Variants in DPP6 observed in about 807,000 individuals in gnomAD.
DPP6 encodes A-type potassium channel modulatory protein DPP6.
A neutral mutation model predicts 122.6 loss-of-function variants in DPP6; 69 were observed. The observed-to-expected ratio is 0.56, with a 90% CI of 0.46 to 0.69. DPP6 has a LOEUF of 0.69. Among genes scored for constraint, DPP6 ranks in the 30% least tolerant of loss-of-function variants. The probability of loss-of-function intolerance (pLI) is 0.00; values close to 1 mark genes in which losing one functional copy is unlikely to be tolerated. For missense variants in DPP6, 928 were observed against 1,116.9 expected (o/e 0.83, Z 2.41); for synonymous variants, 418 against 433.1 (o/e 0.97, Z 0.43).
intron 1 of DPP6, among the ~76,000 whole-genome samples, chr7:154,359,834 T>G (rs1245669065): frequency 6.6e-6 from 1 of 152,190 alleles, no homozygotes; most frequent in Non-Finnish European, 1.5e-5. Context: ...GCACTTGAGT[T>G]AGAGAAACGT....
At chr7:154,085,118 G>GA (rs369868288) in intron 1 of DPP6, among the ~76,000 whole-genome samples, 10,722 of 147,858 alleles carry the variant, frequency 0.073, 477 homozygotes, top group Middle Eastern at 0.14. Context: ...AAAGAATAAA[G>GA]AAAAAAAAAG....
At chr7:153,894,172 G>A (rs1044810471) in intron 1 of DPP6, among the ~76,000 whole-genome samples, 2 of 152,158 alleles carry the variant, frequency 1.3e-5, no homozygotes, top group African/African-American at 4.8e-5. Context: ...AGGACCACAA[G>A]GATTTTATTG....
intron 1 of DPP6, among the ~76,000 whole-genome samples, chr7:154,077,965 G>A (rs62485621): frequency 0.17 from 26,068 of 151,934 alleles, 2,565 homozygotes; most frequent in East Asian, 0.36. Context: ...TACTGCTCCC[G>A]GCCAATAGAT....
chr7:154,436,863 T>C (rs796392118), intron 1 of DPP6, among the ~76,000 whole-genome samples: 13 of 152,334 alleles, frequency 8.5e-5, no homozygotes, highest in African/African-American at 2.9e-4. Context: ...ACCACTCACT[T>C]AGTGTAGTTT....
At chr7:153,912,532 T>C (rs1294424975) in intron 1 of DPP6, among the ~76,000 whole-genome samples, 3 of 152,152 alleles carry the variant, frequency 2.0e-5, no homozygotes, top group Non-Finnish European at 4.4e-5. Context: ...GATTTAGAGA[T>C]ACTAAAAATT....
chr7:154,060,060 TC>T (rs1406548634), intron 1 of DPP6, among the ~76,000 whole-genome samples: 16 of 146,280 alleles, frequency 1.1e-4, no homozygotes, highest in African/African-American at 3.1e-4. Flanking sequence ...CAACCCCTCT[TC>T]CCCCCCTGGC....
chr7:154,346,003 G>C (rs1293315041), intron 1 of DPP6, among the ~76,000 whole-genome samples: 3 of 152,156 alleles, frequency 2.0e-5, no homozygotes, highest in Non-Finnish European at 4.4e-5. Flanking sequence ...AAGGTGAGCC[G>C]ATTCTTTCTG....
chr7:154,270,137 T>G (rs1258352837), intron 1 of DPP6, among the ~76,000 whole-genome samples: 1 of 152,186 alleles, frequency 6.6e-6, no homozygotes, highest in African/African-American at 2.4e-5. Flanking sequence ...AAGAGTAAGA[T>G]GCCTTGGTTC....
At chr7:154,288,562 A>G (rs1218556688) in intron 1 of DPP6, among the ~76,000 whole-genome samples, 4 of 152,228 alleles carry the variant, frequency 2.6e-5, no homozygotes, top group African/African-American at 4.8e-5. Flanking sequence ...TTCTTAAGGC[A>G]GTGTTGAACA....
At chr7:154,401,410 G>A (rs1012008744) in intron 1 of DPP6, among the ~76,000 whole-genome samples, 1 of 149,950 alleles carries the variant, frequency 6.7e-6, no homozygotes, top group African/African-American at 2.5e-5. Flanking sequence ...CCAAATTATT[G>A]ATTTATGATT....
At chr7:154,691,819 A>G (rs78295984) in intron 7 of DPP6, among the ~76,000 whole-genome samples, 1 of 2,994 alleles carries the variant, frequency 3.3e-4, no homozygotes, top group Admixed American at 0.011. Context: ...ACTCTGTCTC[A>G]AAAAAACAAA....
chr7:154,443,764 C>T (rs1017959347), intron 1 of DPP6, among the ~76,000 whole-genome samples: 1 of 152,322 alleles, frequency 6.6e-6, no homozygotes, highest in Admixed American at 6.5e-5. Context: ...AAAACTTATT[C>T]TTCTTAGAGC....
chr7:154,823,699 T>C (rs1799949647), intron 16 of DPP6, among the ~76,000 whole-genome samples: 1 of 152,212 alleles, frequency 6.6e-6, no homozygotes, highest in Admixed American at 6.5e-5. Flanking sequence ...GGACCAGTGA[T>C]AGGCACATTT....
At position 154,883,997 on chromosome 7, in the gene DPP6, C is replaced by T. The variant is rs1051322709; in HGVS notation, c.2134-1636C>T. ...TTACATACACATGCTCACACATACA[C>T]ATGCTCACCCACACACACGCTCACA... On this transcript the variant is annotated intron_variant, in intron 21 of 25. Coordinates refer to ENST00000377770, the MANE Select transcript of DPP6 (RefSeq NM_130797.4). The T allele has an allele frequency of 3.6e-5, 5 of 140,266 alleles. 1 individual carries two copies. The highest frequency in any genetic ancestry group is 8.4e-5 in the African/African-American group (3 of 35,870). 8.7% of individuals were successfully genotyped at this position (140,266 alleles called of 1,614,324 possible).
the DPP6 span, among the ~76,000 whole-genome samples, chr7:153,844,071 T>C: frequency 2.0e-5 from 3 of 152,314 alleles, no homozygotes; most frequent in African/African-American, 7.2e-5. Flanking sequence ...ATAGGAATCT[T>C]GGTGATGTGA....
At chr7:153,784,149 C>T in the DPP6 span, among the ~76,000 whole-genome samples, 1 of 152,150 alleles carries the variant, frequency 6.6e-6, no homozygotes, top group Admixed American at 6.5e-5. Flanking sequence ...TGTTGTACAT[C>T]TAATGTGGCA....
chr7:154,033,692 T>C lies in DPP6; in HGVS notation c.51+145958T>C, dbSNP rs1285189930. 2.0e-5 allele frequency among the ~76,000 whole-genome samples: 3 copies of C among 152,196 alleles called. No homozygotes were observed. The East Asian group carries it at 5.8e-4, about 29-fold the overall frequency. On this transcript the variant is annotated intron_variant, in intron 1 of 25. Coordinates refer to the DPP6 transcript ENST00000404039. Reference sequence around the variant, plus strand: ...CATAAGCTAGACCAGCAGTTGCCCATATTCCATGGTTGATTAGTTTTCTAG... The same window carrying C: ...CATAAGCTAGACCAGCAGTTGCCCACATTCCATGGTTGATTAGTTTTCTAG...
intron 8 of DPP6, among the ~76,000 whole-genome samples, chr7:154,746,263 A>G (rs1043907383): frequency 3.9e-5 from 6 of 152,164 alleles, no homozygotes; most frequent in Non-Finnish European, 7.4e-5. Flanking sequence ...TAGAAGATTT[A>G]GGATTTCCCG....
intron 18 of DPP6, among the ~76,000 whole-genome samples, chr7:154,872,326 A>C (rs530044310): frequency 5.3e-5 from 8 of 152,222 alleles, no homozygotes; most frequent in Non-Finnish European, 8.8e-5. Context: ...CCTGCCTGAA[A>C]TTCTGCTGCT....
Sources: allele counts gnomAD v4.1 joint callset (sites outside exome capture counted in the v4.1 genomes callset), GRCh38; gene constraint gnomAD v4.1.1; transcripts MANE v1.5; gene names NCBI Gene and HGNC (gene_info 2026-07-23, HGNC 2026-07-21).